Variants in OSTC observed in about 807,000 individuals in gnomAD.
The protein encoded by OSTC is oligosaccharyltransferase complex subunit OSTC.
OSTC carries 16 observed loss-of-function variants against 16.4 expected under a neutral mutation model. The ratio of observed to expected loss-of-function variants is 0.98; its 90% confidence interval spans 0.66 to 1.49. OSTC has a LOEUF of 1.49. Ranked by LOEUF, OSTC falls within the 40% of genes most tolerant of loss-of-function variation. The probability of loss-of-function intolerance (pLI) is 0.00; values close to 1 mark genes in which losing one functional copy is unlikely to be tolerated. For synonymous variants in OSTC, 67 were observed against 68.5 expected (o/e 0.98, Z 0.11); for missense variants, 139 against 186.3 (o/e 0.75, Z 1.48).
In OSTC at chr4:108,666,615, G is replaced by A. The variant is rs372096220; in HGVS notation, c.432-632G>A. On this transcript the variant is annotated intron_variant, in intron 3 of 3. Coordinates refer to ENST00000361564, the MANE Select transcript of OSTC (RefSeq NM_021227.4). The stretch of plus-strand genomic sequence containing the variant: ...AATCCCAGCTACTTGGGAGGCTGAG[G>A]CAGGAGAATCGCTTGAACCCAGGAG... Among the ~76,000 whole-genome samples the A allele has an allele frequency of 3.7e-3, 564 of 151,102 alleles. 5 individuals carry two copies. The highest frequency in any genetic ancestry group is 0.012 in the African/African-American group (511 of 41,054).
chr4:108,658,368 G>T (rs1425618290), intron 3 of OSTC, among the ~76,000 whole-genome samples: 1 of 151,892 alleles, frequency 6.6e-6, no homozygotes, highest in Admixed American at 6.6e-5. Context: ...ATTATGCCTT[G>T]TAAGGGAAAA....
At chr4:108,650,994 C>A in intron 1 of OSTC, 200 bp downstream of exon 1, 1 of 659,256 alleles carries the variant, frequency 1.5e-6, no homozygotes, top group Non-Finnish European at 2.5e-6. Context: ...TAAGAGAATT[C>A]GTGTTCTCAC....
At chr4:108,662,195 G>C (rs1222917918) in intron 3 of OSTC, among the ~76,000 whole-genome samples, 1 of 152,128 alleles carries the variant, frequency 6.6e-6, no homozygotes, top group Non-Finnish European at 1.5e-5. Context: ...CATGGGATCA[G>C]TTCAGAAAAC....
At chr4:108,664,133 A>G (rs1726934639) in intron 3 of OSTC, among the ~76,000 whole-genome samples, 1 of 149,306 alleles carries the variant, frequency 6.7e-6, no homozygotes, top group Non-Finnish European at 1.5e-5. Flanking sequence ...ACATTATAAT[A>G]TTTCTTAGTA....
intron 3 of OSTC, among the ~76,000 whole-genome samples, chr4:108,664,662 C>T (rs1232224883): frequency 2.6e-5 from 4 of 151,478 alleles, no homozygotes; most frequent in Non-Finnish European, 4.4e-5. Flanking sequence ...GGCATGATCT[C>T]GGTTCACTGC....
intron 3 of OSTC, among the ~76,000 whole-genome samples, chr4:108,658,821 C>T (rs1332804528): frequency 6.6e-6 from 1 of 151,916 alleles, no homozygotes; most frequent in Non-Finnish European, 1.5e-5. Flanking sequence ...TGTAACACAC[C>T]TGGGGTAGAA....
At chr4:108,660,983 G>A (rs1271883188) in intron 3 of OSTC, among the ~76,000 whole-genome samples, 3 of 152,136 alleles carry the variant, frequency 2.0e-5, no homozygotes, top group East Asian at 1.9e-4. Context: ...TTGGGAGGCC[G>A]AGGTGTGCAG....
intron 3 of OSTC, 141 bp from the exon 4 acceptor site, chr4:108,667,104 TAA>T: frequency 1.6e-6 from 1 of 631,346 alleles, no homozygotes; most frequent in South Asian, 2.5e-5. Flanking sequence ...ATAAGGACCA[TAA>T]TAAAGAATCA....
intron 1 of OSTC, chr4:108,651,301 C>G (rs2110379490): frequency 6.3e-6 from 1 of 157,502 alleles, no homozygotes; most frequent in East Asian, 1.9e-4. Flanking sequence ...TTTGTTGGCT[C>G]AAACCTAGGG....
intron 3 of OSTC, among the ~76,000 whole-genome samples, chr4:108,665,084 T>C (rs1258858535): frequency 6.6e-6 from 1 of 152,126 alleles, no homozygotes; most frequent in Admixed American, 6.5e-5. Flanking sequence ...AGTCTAATCA[T>C]ACAGGGAGTC....
chr4:108,659,772 AAAAAG>A (rs201220947), intron 3 of OSTC, among the ~76,000 whole-genome samples: 3,291 of 152,230 alleles, frequency 0.022, 52 homozygotes, highest in Non-Finnish European at 0.027. Context: ...CCATCTCAAA[AAAAAG>A]AAAAGAAAAG....
At chr4:108,660,012 A>G (rs1169818997) in intron 3 of OSTC, among the ~76,000 whole-genome samples, 2 of 152,184 alleles carry the variant, frequency 1.3e-5, no homozygotes, top group Admixed American at 1.3e-4. Flanking sequence ...CTTTCAGGAT[A>G]ATAGAGCTAT....
chr4:108,656,801 T>TA (rs1301590190), intron 2 of OSTC, among the ~76,000 whole-genome samples: 1 of 152,100 alleles, frequency 6.6e-6, no homozygotes, highest in East Asian at 1.9e-4. Flanking sequence ...CATAACTTTT[T>TA]AAAAAAAGCT....
intron 1 of OSTC, 84 bp downstream of exon 1, chr4:108,650,878 G>C: frequency 6.3e-7 from 1 of 1,587,380 alleles, no homozygotes; most frequent in Non-Finnish European, 8.6e-7. Context: ...CTGACTCTCA[G>C]CCCCGGGGGA....
At chr4:108,656,967 C>T (rs1726722363) in intron 2 of OSTC, among the ~76,000 whole-genome samples, 1 of 151,632 alleles carries the variant, frequency 6.6e-6, no homozygotes, top group South Asian at 2.1e-4. Flanking sequence ...GGCGTGGTGG[C>T]ACGCGCCTGT....
At chr4:108,654,998 C>T (rs531285964) in intron 1 of OSTC, among the ~76,000 whole-genome samples, 1 of 152,302 alleles carries the variant, frequency 6.6e-6, no homozygotes, top group Non-Finnish European at 1.5e-5. Context: ...TGAGTATTAG[C>T]AACTCTTATT....
intron 2 of OSTC, 86 bp downstream of exon 2, chr4:108,655,743 A>C: frequency 1.1e-6 from 1 of 921,204 alleles, no homozygotes; most frequent in African/African-American, 1.7e-5. Flanking sequence ...AGTAAAACCT[A>C]TGGGATCCAT....
At chr4:108,661,217 C>CAA (rs34609606) in intron 3 of OSTC, among the ~76,000 whole-genome samples, 6 of 103,274 alleles carry the variant, frequency 5.8e-5, no homozygotes, top group African/African-American at 1.2e-4. Flanking sequence ...GACTCCATCT[C>CAA]AAAAAAAAAA....
At position 108,657,625 on chromosome 4, in the gene OSTC, G is replaced by C; in HGVS notation, c.409G>C (p.Val137Leu). The change falls in exon 3 of 4, where the codon GTA (valine) becomes CTA (leucine). Residue 137 changes from valine (V) to leucine (L), a missense_variant. Physicochemically the swap from Val to Leu is conservative, Grantham distance 32 (BLOSUM62 1). Coordinates refer to ENST00000361564, the MANE Select transcript of OSTC (RefSeq NM_021227.4). ...CCTATTGAGTTTTTTCATGGCTAGA[G>C]TATTCATGAGAATGAAACTGCCGTA... ...CVLLSFFMAR[V>L]FMRMKLPGYL... 6.2e-7 allele frequency: 1 copy of C among 1,612,958 alleles called. No individual in the cohort carries two copies. Among genetic ancestry groups the C allele is most frequent in the Non-Finnish European group, 8.5e-7 (1 of 1,179,210 alleles).
Sources: allele counts gnomAD v4.1 joint callset (sites outside exome capture counted in the v4.1 genomes callset), GRCh38; gene constraint gnomAD v4.1.1; transcripts MANE v1.5; gene names NCBI Gene and HGNC (gene_info 2026-07-23, HGNC 2026-07-21).